Variants in OXR1 observed in about 807,000 individuals in gnomAD.
The protein encoded by OXR1 is oxidation resistance 1, also known as oxidation resistance protein 1.
A neutral mutation model predicts 104.6 loss-of-function variants in OXR1; 41 were observed. The ratio of observed to expected loss-of-function variants is 0.39; its 90% confidence interval spans 0.31 to 0.51. The LOEUF is 0.51. Among genes scored for constraint, OXR1 ranks in the 20% least tolerant of loss-of-function variants. The pLI is 0.77. For synonymous variants in OXR1, 348 were observed against 348.4 expected (o/e 1.00, Z 0.01); for missense variants, 955 against 1,031.9 (o/e 0.93, Z 1.02).
chr8:106,695,314 G>A (rs1189703772), intron 7 of OXR1, among the ~76,000 whole-genome samples: 1 of 151,430 alleles, frequency 6.6e-6, no homozygotes, highest in African/African-American at 2.4e-5. Context: ...ATTTCTTACA[G>A]TGTAGGTCAG....
At chr8:106,315,146 TTATTAGTA>T (rs1488850874) in intron 1 of OXR1, among the ~76,000 whole-genome samples, 1 of 152,106 alleles carries the variant, frequency 6.6e-6, no homozygotes, top group Non-Finnish European at 1.5e-5. Flanking sequence ...AGATATCCTA[TTATTAGTA>T]TATTTTGCTC....
chr8:106,493,419 A>G (rs955749561), intron 2 of OXR1, among the ~76,000 whole-genome samples: 2 of 152,108 alleles, frequency 1.3e-5, no homozygotes, highest in African/African-American at 2.4e-5. Flanking sequence ...AGCCAAGACC[A>G]TGGTCTATGG....
rs1423276520 is a variant in OXR1 at position 106,497,795 on chromosome 8, TGTGTGTGTGTGCACACGC to T, written c.24-21136_24-21119del. On this transcript the variant is annotated intron_variant, in intron 2 of 16. Coordinates refer to ENST00000517566, the MANE Select transcript of OXR1 (RefSeq NM_001198533.2). ...AATTTATATGGTCACCATATGTGTG[TGTGTGTGTGTGCACACGC>T]GTGTGTGTGTGTGTCTTCATTGCAT... Among the ~76,000 whole-genome samples, 267 of 146,286 alleles carry T rather than the reference TGTGTGTGTGTGCACACGC, an allele frequency of 1.8e-3. 1 individual carries two copies. Among genetic ancestry groups the T allele is most frequent in the African/African-American group, 6.7e-3 (253 of 37,888 alleles).
intron 1 of OXR1, among the ~76,000 whole-genome samples, chr8:106,335,021 C>T (rs1052521386): frequency 2.3e-5 from 3 of 130,488 alleles, no homozygotes; most frequent in African/African-American, 7.7e-5. Flanking sequence ...CAGACACATA[C>T]ATTGACACAC....
chr8:106,271,164 G>A (rs925310864), intron 1 of OXR1, among the ~76,000 whole-genome samples: 2 of 152,202 alleles, frequency 1.3e-5, no homozygotes, highest in African/African-American at 2.4e-5. Context: ...TCAGGAGAGG[G>A]TTGGAGGCTT....
At chr8:106,288,821 A>G (rs1812621992) in intron 1 of OXR1, among the ~76,000 whole-genome samples, 1 of 151,120 alleles carries the variant, frequency 6.6e-6, no homozygotes, top group South Asian at 2.1e-4. Context: ...AGATACCTGC[A>G]TAATAAACTG....
intron 11 of OXR1, among the ~76,000 whole-genome samples, chr8:106,729,550 A>G (rs147341316): frequency 3.3e-3 from 498 of 152,288 alleles, no homozygotes; most frequent in Non-Finnish European, 5.2e-3. Context: ...CAAAGCCAGT[A>G]TTCTTCAATA....
intron 3 of OXR1, among the ~76,000 whole-genome samples, chr8:106,535,959 G>A (rs954129837): frequency 1.3e-5 from 2 of 152,074 alleles, no homozygotes; most frequent in African/African-American, 4.8e-5. Flanking sequence ...AGTGGCTCAC[G>A]CCTGTAATCC....
At chr8:106,504,604 T>A (rs1812033312) in intron 2 of OXR1, among the ~76,000 whole-genome samples, 1 of 152,220 alleles carries the variant, frequency 6.6e-6, no homozygotes, top group Admixed American at 6.5e-5. Flanking sequence ...ATAGTTACAT[T>A]ACTGTCACTA....
At chr8:106,329,452 A>T (rs1814620969) in intron 1 of OXR1, among the ~76,000 whole-genome samples, 1 of 148,686 alleles carries the variant, frequency 6.7e-6, no homozygotes, top group African/African-American at 2.5e-5. Flanking sequence ...GGTTCACGCC[A>T]TTCTCCTGCC....
chr8:106,471,803 T>C (rs1437877966), intron 2 of OXR1, among the ~76,000 whole-genome samples: 1 of 151,892 alleles, frequency 6.6e-6, no homozygotes, highest in Non-Finnish European at 1.5e-5. Context: ...ACGTGCTTTT[T>C]TTTGGTCTTT....
chr8:106,405,213 G>A (rs1818186613), intron 2 of OXR1, among the ~76,000 whole-genome samples: 1 of 116,568 alleles, frequency 8.6e-6, no homozygotes, highest in African/African-American at 4.3e-5. Context: ...GTGTGTGTGT[G>A]TGTGTGTGTG....
chr8:106,745,976 T>C (rs1399453843), intron 16 of OXR1, 114 bp downstream of exon 16: 2 of 617,752 alleles, frequency 3.2e-6, no homozygotes, highest in African/African-American at 3.7e-5. Flanking sequence ...TTCAAATTTG[T>C]ATATTATGAA....
intron 2 of OXR1, among the ~76,000 whole-genome samples, chr8:106,420,395 G>A (rs753272381): frequency 3.8e-4 from 57 of 151,724 alleles, no homozygotes; most frequent in Non-Finnish European, 7.1e-4. Context: ...TACTCTACTA[G>A]TAGTTTTATT....
chr8:106,532,415 T>G (rs549631807), intron 3 of OXR1, among the ~76,000 whole-genome samples: 1 of 152,232 alleles, frequency 6.6e-6, no homozygotes, highest in African/African-American at 2.4e-5. Flanking sequence ...GACAAGTCAC[T>G]TAATCTCTCT....
intron 6 of OXR1, among the ~76,000 whole-genome samples, chr8:106,688,268 T>C (rs893009882): frequency 6.6e-6 from 1 of 152,112 alleles, no homozygotes; most frequent in African/African-American, 2.4e-5. Flanking sequence ...ATGTTTATAT[T>C]AATATACTCT....
Position 106,692,895 on chromosome 8 carries a change from A to G in OXR1, c.675+18A>G, listed in dbSNP as rs1345288763. ...GTGGCAAGGTAAAGAATGACACTTT[A>G]GAGAAGACCTTTAATCATGCTTTAG... On this transcript the variant is annotated intron_variant, in intron 7 of 16. Transcript: ENST00000517566. The G allele has an allele frequency of 1.9e-6, 3 of 1,553,766 alleles. No homozygotes were observed. The highest frequency in any genetic ancestry group is 2.6e-6 in the Non-Finnish European group (3 of 1,138,414).
intron 2 of OXR1, among the ~76,000 whole-genome samples, 193 bp downstream of exon 2, chr8:106,359,829 C>G (rs1351989245): frequency 6.6e-6 from 1 of 152,156 alleles, no homozygotes; most frequent in East Asian, 1.9e-4. Flanking sequence ...GCTATGATAT[C>G]TGGGGGCTCT....
intron 1 of OXR1, among the ~76,000 whole-genome samples, chr8:106,324,308 G>C (rs1200043890): frequency 6.6e-6 from 1 of 152,154 alleles, no homozygotes; most frequent in Non-Finnish European, 1.5e-5. Context: ...GGAGCTAAAT[G>C]ATAAAACTTA....
Sources: allele counts gnomAD v4.1 joint callset (sites outside exome capture counted in the v4.1 genomes callset), GRCh38; gene constraint gnomAD v4.1.1; transcripts MANE v1.5; gene names NCBI Gene and HGNC (gene_info 2026-07-23, HGNC 2026-07-21).